The following NOL9 variants were observed in gnomAD, a reference collection of about 807,000 sequenced individuals.
The protein encoded by NOL9 is polynucleotide 5'-hydroxyl-kinase NOL9.
NOL9 carries 28 observed loss-of-function variants against 67.9 expected under a neutral mutation model. The observed-to-expected ratio is 0.41, with a 90% CI of 0.31 to 0.57. The LOEUF (loss-of-function observed/expected upper bound fraction) is 0.57. NOL9 is among the 20% of genes least tolerant of loss of function. The pLI, the probability that NOL9 is intolerant of heterozygous loss-of-function variation, is 0.25. For missense variants in NOL9, 777 were observed against 897.0 expected (o/e 0.87, Z 1.71); for synonymous variants, 356 against 352.2 (o/e 1.01, Z -0.12).
At chr1:6,538,343 C>T (rs1038161908) in intron 6 of NOL9, among the ~76,000 whole-genome samples, 1 of 152,126 alleles carries the variant, frequency 6.6e-6, no homozygotes, top group Non-Finnish European at 1.5e-5. Flanking sequence ...CGAAGAACTA[C>T]TAAACTCAAC....
rs1243563930 is a variant in NOL9, at chr1:6,529,108, A to G, written c.1711T>C (p.Tyr571His). 6.2e-7 allele frequency: 1 copy of G among 1,614,078 alleles called. No homozygotes were observed. Among genetic ancestry groups the G allele is most frequent in the Admixed American group, 1.7e-5 (1 of 59,992 alleles). Residue 571 changes from tyrosine (Y) to histidine (H), a missense_variant, in exon 10 of 12, where the codon TAT (tyrosine) becomes CAT (histidine). Tyr to His is a moderately conservative substitution (Grantham distance 83). Coordinates refer to ENST00000377705, the MANE Select transcript of NOL9 (RefSeq NM_024654.5). ...HSDVAPTHIL[Y>H]AVNASWVGLC... ...CCAACCCAGCTGGCGTTTACAGCAT[A>G]TAGTATATGGGTAGGGGCGACATCA... is the stretch of plus-strand genomic sequence containing the variant.
chr1:6,540,829 T>TAA (rs58611683), intron 6 of NOL9: 2 of 142,594 alleles, frequency 1.4e-5, no homozygotes, highest in Non-Finnish European at 3.1e-5. Flanking sequence ...GACTCCATCT[T>TAA]AAAAAAAAAA....
At chr1:6,533,162 G>A in intron 7 of NOL9, 118 bp downstream of exon 7, 1 of 1,066,184 alleles carries the variant, frequency 9.4e-7, no homozygotes. Context: ...GCGACAGAGT[G>A]AGACCCTGCC....
intron 5 of NOL9, among the ~76,000 whole-genome samples, chr1:6,543,586 A>C (rs1639350254): frequency 6.6e-6 from 1 of 152,134 alleles, no homozygotes; most frequent in Non-Finnish European, 1.5e-5. Context: ...TGTAGACTCG[A>C]ACTCCTTGGC....
rs1273968742 is a variant in NOL9 at position 6,550,693 on chromosome 1, T to TTG, written c.397-79_397-78insCA. 1,388 of 1,228,700 alleles carry TTG rather than the reference T, an allele frequency of 1.1e-3. 26 individuals are homozygous for TTG. In the Admixed American group the frequency reaches 0.031, roughly 28 times the overall value. The allele number at this position is 1,228,700 out of a possible 1,614,324, so 76.1% of individuals were successfully genotyped here. A position where few individuals can be genotyped will look rare whatever the true frequency, so the allele number is the denominator to read the frequency against. ...GAAACATTCTAAAATCTTTTTTTTT[T>TTG]TTTTTTTGAGATGGAGTTTTGCTCT... On this transcript the variant is annotated intron_variant, in intron 1 of 11. Transcript: ENST00000377705.
Position 6,523,161 on chromosome 1 carries a change from C to CA in NOL9, c.*2692dup, listed in dbSNP as rs35610124. 2.5e-4 allele frequency: 25 copies of CA among 98,278 alleles called. No homozygotes were observed. Among genetic ancestry groups the CA allele is most frequent in the African/African-American group, 4.3e-4 (9 of 21,090 alleles). The allele number at this position is 98,278 out of a possible 1,614,324, so 6.1% of individuals were successfully genotyped here. On this transcript the variant is annotated 3_prime_UTR_variant, in exon 12 of 12. Transcript: ENST00000377705. Reference sequence around the variant, plus strand: ...TGGGTGACAGAGCGAGACTCTGTCTCAAAAAAAAAGAAAAAAAAAAAAGAA... The same window carrying CA: ...TGGGTGACAGAGCGAGACTCTGTCTCAAAAAAAAAAGAAAAAAAAAAAAGAA...
intron 2 of NOL9, 92 bp from the exon 3 acceptor site, chr1:6,549,790 C>A (rs544511251): frequency 6.7e-7 from 1 of 1,499,514 alleles, no homozygotes; most frequent in Non-Finnish European, 9.1e-7. Context: ...AAACTATAAA[C>A]ATTAGGAGAG....
intron 10 of NOL9, 114 bp from the exon 11 acceptor site, chr1:6,526,943 G>C: frequency 7.4e-7 from 1 of 1,353,472 alleles, no homozygotes; most frequent in Non-Finnish European, 9.9e-7. Flanking sequence ...ACTCTGTTTT[G>C]TTTTGAAAAT....
rs1248126767 is a variant in NOL9 at position 6,523,215 on chromosome 1, T to G, written c.*2639A>C. The G allele has an allele frequency of 6.6e-6, 1 of 151,580 alleles. No homozygotes were observed. The allele number at this position is 151,580 out of a possible 1,614,324, so 9.4% of individuals were successfully genotyped here. On this transcript the variant is annotated 3_prime_UTR_variant, in exon 12 of 12. Transcript: ENST00000377705. ...CTCCAATGGAGAACTCCTTACTACC[T>G]AATCTGACCCATAACAGACTGTGGA...
At chr1:6,531,817 G>C in intron 9 of NOL9, 151 bp downstream of exon 9, 1 of 660,822 alleles carries the variant, frequency 1.5e-6, no homozygotes, top group Non-Finnish European at 2.7e-6. Flanking sequence ...CATCTGTAAA[G>C]TGGGAATAAC....
chr1:6,554,357 C>T lies in NOL9; in HGVS notation c.146G>A (p.Arg49Gln). Residue 49 changes from arginine to glutamine, a missense_variant, in exon 1 of 12, where the codon CGG becomes CAG. Physicochemically the swap from Arg to Gln is conservative, Grantham distance 43. This residue lies in a region of NOL9 where 364 missense variants were observed against 344.4 expected (regional missense o/e 1.06). Coordinates refer to ENST00000377705, the MANE Select transcript of NOL9 (RefSeq NM_024654.5). ...CGCCTGGGCTTGCAGTAACCGCCAC[C>T]GTAGGCGCCGCCGACCGCACCAGCG... ...SLRWCGRRRL[R>Q]WRLLQAQASG... 2.1e-6 allele frequency: 3 copies of T among 1,453,826 alleles called. No homozygotes were observed. In the South Asian group the frequency reaches 4.2e-5, roughly 21 times the overall value. The allele number at this position is 1,453,826 out of a possible 1,614,324, so 90.1% of individuals were successfully genotyped here. A position where few individuals can be genotyped will look rare whatever the true frequency, so the allele number is the denominator to read the frequency against.
Position 6,554,490 on chromosome 1 carries a change from C to A in NOL9, c.13G>T (p.Gly5Ter). The A allele has an allele frequency of 6.5e-7, 1 of 1,541,906 alleles. No homozygotes were observed. The highest frequency in any genetic ancestry group is 2.7e-5 in the East Asian group (1 of 37,522). Residue 5 changes from glycine to a stop codon, truncating the protein, a stop_gained, in exon 1 of 12, where the codon GGA becomes TGA. Transcript: ENST00000377705. LOFTEE classifies it high-confidence loss of function. MADS[G>*]LLLKRGSCRS... Reference sequence around the variant, plus strand: ...CAGGAACCCCGCTTTAGCAGCAGTCCCGAGTCCGCCATGCTGGGTCCTCAG... The same window carrying A: ...CAGGAACCCCGCTTTAGCAGCAGTCACGAGTCCGCCATGCTGGGTCCTCAG...
intron 2 of NOL9, 39 bp downstream of exon 2, chr1:6,550,357 C>G: frequency 6.4e-7 from 1 of 1,554,920 alleles, no homozygotes; most frequent in Non-Finnish European, 8.9e-7. Flanking sequence ...AGCCTTATTA[C>G]AGTAGGCCCT....
At chr1:6,550,244 G>C (rs957259146) in intron 2 of NOL9, 152 bp downstream of exon 2, 6 of 622,650 alleles carry the variant, frequency 9.6e-6, no homozygotes, top group African/African-American at 9.2e-5. Context: ...TCTTAGCCAG[G>C]ATGGTCTCGA....
intron 3 of NOL9, 168 bp downstream of exon 3, chr1:6,549,403 C>T (rs1462636827): frequency 1.5e-6 from 1 of 668,418 alleles, no homozygotes; most frequent in Non-Finnish European, 2.3e-6. Context: ...GAACATTTTT[C>T]ACGATACACC....
At chr1:6,546,584 C>T (rs569878590) in intron 3 of NOL9, among the ~76,000 whole-genome samples, 275 of 152,310 alleles carry the variant, frequency 1.8e-3, no homozygotes, top group African/African-American at 5.9e-3. Flanking sequence ...GGGACTTCCT[C>T]TAGCCACTAT....
At chr1:6,553,884 C>G (rs1474115277) in intron 1 of NOL9, among the ~76,000 whole-genome samples, 2 of 152,018 alleles carry the variant, frequency 1.3e-5, no homozygotes, top group South Asian at 4.2e-4. Flanking sequence ...AATAAAGTCC[C>G]TTTAGCTCGT....
intron 6 of NOL9, among the ~76,000 whole-genome samples, chr1:6,536,629 A>T (rs1424630459): frequency 2.6e-5 from 4 of 152,044 alleles, no homozygotes; most frequent in African/African-American, 9.7e-5. Context: ...GGAGTTTGAG[A>T]GCAGCTTGGG....
At position 6,521,385 on chromosome 1, in the gene NOL9, T is replaced by C. The variant is rs1472852125; in HGVS notation, c.*4469A>G. 4 of 152,208 alleles carry C rather than the reference T, an allele frequency of 2.6e-5. No individual in the cohort carries two copies. The highest frequency in any genetic ancestry group is 9.6e-5 in the African/African-American group (4 of 41,458). 9.4% of individuals were successfully genotyped at this position (152,208 alleles called of 1,614,324 possible). On this transcript the variant is annotated 3_prime_UTR_variant, in exon 12 of 12. Coordinates refer to ENST00000377705, the MANE Select transcript of NOL9 (RefSeq NM_024654.5). Reference sequence around the variant, plus strand: ...AAATATTTAATGATACAAAAGTTCATCTGTTAACTGAAAAGAGCTGAACAG... The same window carrying C: ...AAATATTTAATGATACAAAAGTTCACCTGTTAACTGAAAAGAGCTGAACAG...
Sources: allele counts gnomAD v4.1 joint callset (sites outside exome capture counted in the v4.1 genomes callset), GRCh38; gene constraint gnomAD v4.1.1; regional missense constraint gnomAD v4.1.1; transcripts MANE v1.5; gene names NCBI Gene and HGNC (gene_info 2026-07-23, HGNC 2026-07-21).